VWDE: variants seen among roughly 807,000 people sequenced by gnomAD.
The protein encoded by VWDE is von Willebrand factor D and EGF domains, also known as von Willebrand factor D and EGF domain-containing protein.
In VWDE, 207 loss-of-function variants were observed where a neutral mutation model predicts 178.4. The ratio of observed to expected loss-of-function variants is 1.16; its 90% CI spans 1.04 to 1.30. The LOEUF is 1.30. Ranked by LOEUF, VWDE falls within the 50% of genes most tolerant of loss-of-function variation. The probability of loss-of-function intolerance (pLI) is 0.00; values close to 1 mark genes in which losing one functional copy is unlikely to be tolerated. For synonymous variants in VWDE, 738 were observed against 651.4 expected (o/e 1.13, Z -2.02); for missense variants, 2,287 against 1,901.3 (o/e 1.20, Z -3.77).
At chr7:12,392,036 C>G (rs1265143312) in intron 2 of VWDE, among the ~76,000 whole-genome samples, 1 of 152,124 alleles carries the variant, frequency 6.6e-6, no homozygotes, top group Non-Finnish European at 1.5e-5. Context: ...AATACAATGC[C>G]TCTATTAGCT....
rs957818985 is a variant in VWDE at position 12,380,351 on chromosome 7, A to G, written c.789+135T>C. On this transcript the variant is annotated intron_variant, in intron 5 of 28. Transcript: ENST00000275358. ...CACGAGAATTAGCACAATTGCAAGGAAAAAAAAACAAAAAGAAAAATATTA... is the reference window on the plus strand; with the variant it reads ...CACGAGAATTAGCACAATTGCAAGGGAAAAAAAACAAAAAGAAAAATATTA... The G allele has an allele frequency of 2.0e-3, 2,238 of 1,144,530 alleles. 1 individual carries two copies. Among genetic ancestry groups the G allele is most frequent in the Non-Finnish European group, 2.4e-3 (2,091 of 861,502 alleles). The allele number at this position is 1,144,530 out of a possible 1,614,324, so 70.9% of individuals were successfully genotyped here.
At chr7:12,361,319 A>C (rs774343826) in intron 14 of VWDE, 47 bp downstream of exon 14, 2 of 1,536,888 alleles carry the variant, frequency 1.3e-6, no homozygotes, top group Admixed American at 4.0e-5. Flanking sequence ...TGAAATGTTA[A>C]GTATTTACTT....
chr7:12,365,241 C>A lies in VWDE; in HGVS notation c.2898+2116G>T, dbSNP rs530895664. On this transcript the variant is annotated intron_variant, in intron 13 of 28. Coordinates refer to ENST00000275358, the MANE Select transcript of VWDE (RefSeq NM_001135924.3). ...TTGGACAACTGGTAAATTTACAGAA[C>A]AAGGTCTGTAAATTTGTTAATAGTA... Among the ~76,000 whole-genome samples, 10 of 152,062 alleles carry A rather than the reference C, an allele frequency of 6.6e-5. No homozygotes were observed. In the South Asian group the frequency reaches 2.1e-3, roughly 32 times the overall value.
chr7:12,401,172 C>A (rs1204006737), intron 1 of VWDE, among the ~76,000 whole-genome samples: 1 of 152,108 alleles, frequency 6.6e-6, no homozygotes, highest in African/African-American at 2.4e-5. Flanking sequence ...TCTACTCTCA[C>A]CTTTTCAATG....
At chr7:12,347,742 C>T (rs1198553439) in intron 19 of VWDE, among the ~76,000 whole-genome samples, 1 of 151,824 alleles carries the variant, frequency 6.6e-6, no homozygotes, top group Non-Finnish European at 1.5e-5. Context: ...TCATATGGAA[C>T]CAAAAAAGAG....
At chr7:12,388,837 T>C (rs1203699676) in intron 3 of VWDE, 4 of 542,192 alleles carry the variant, frequency 7.4e-6, no homozygotes, top group African/African-American at 3.8e-5. Flanking sequence ...AAAACAGGAA[T>C]GGACTTGAGG....
In VWDE at chr7:12,389,170, G is replaced by C. The variant is rs1322999314; in HGVS notation, c.432C>G (p.Tyr144Ter). 6.4e-7 allele frequency: 1 copy of C among 1,551,924 alleles called. No homozygotes were observed. Among genetic ancestry groups the C allele is most frequent in the African/African-American group, 1.4e-5 (1 of 73,032 alleles). ...SVRNCGNFSV[Y>*]LLQPTQGCMG... ...TACATCCCTGAGTTGGTTGTAGTAAGTATACAGAAAAGTTCCCACAGTTTC... is the reference window on the plus strand; with the variant it reads ...TACATCCCTGAGTTGGTTGTAGTAACTATACAGAAAAGTTCCCACAGTTTC... Residue 144 changes from tyrosine to a stop codon, truncating the protein, a stop_gained, in exon 3 of 29, where the codon TAC becomes TAG. Coordinates refer to ENST00000275358, the MANE Select transcript of VWDE (RefSeq NM_001135924.3). LOFTEE classifies it high-confidence loss of function.
intron 2 of VWDE, 65 bp downstream of exon 2, chr7:12,393,529 G>T: frequency 7.6e-7 from 1 of 1,316,230 alleles, no homozygotes; most frequent in Non-Finnish European, 1.0e-6. Context: ...GTGGTAAAAA[G>T]ATACAATTCT....
intron 19 of VWDE, among the ~76,000 whole-genome samples, chr7:12,345,443 G>A (rs998896739): frequency 2.6e-5 from 4 of 152,054 alleles, no homozygotes; most frequent in African/African-American, 9.7e-5. Context: ...CGTCCACATT[G>A]GAAGTGACCA....
intron 1 of VWDE, among the ~76,000 whole-genome samples, chr7:12,396,537 G>A (rs960308305): frequency 6.6e-6 from 1 of 152,094 alleles, no homozygotes; most frequent in African/African-American, 2.4e-5. Flanking sequence ...AATGTAATGA[G>A]AAATAAAAAC....
In VWDE at chr7:12,367,404, CT is replaced by C; in HGVS notation, c.2850del (p.Gly951AlafsTer67). ...TTAATTGAAGGTAATTCTTTGAAGC[CT>C]TTGCCAAAAACTCTCACCATCATAC... is the stretch of plus-strand genomic sequence containing the variant. ...YNCMMVRVFG[K>X]GFKELPSIKC... On this transcript the variant is annotated frameshift_variant, in exon 13 of 29. Transcript: ENST00000275358. LOFTEE classifies it high-confidence loss of function. 1 of 1,546,860 alleles carries C rather than the reference CT, an allele frequency of 6.5e-7. No individual in the cohort carries two copies. The highest frequency in any genetic ancestry group is 8.7e-7 in the Non-Finnish European group (1 of 1,144,484).
At chr7:12,342,224 C>T in intron 22 of VWDE, 70 bp from the exon 23 acceptor site, 1 of 1,248,166 alleles carries the variant, frequency 8.0e-7, no homozygotes, top group Non-Finnish European at 1.1e-6. Context: ...TATTATCTAG[C>T]TAGCTCATAA....
intron 22 of VWDE, among the ~76,000 whole-genome samples, chr7:12,342,858 G>A (rs1226374387): frequency 8.0e-6 from 1 of 125,778 alleles, no homozygotes; most frequent in African/African-American, 3.1e-5. Context: ...ACAGTCCCCA[G>A]AGTGTGATGT....
chr7:12,386,036 G>A (rs1784082392), intron 3 of VWDE, among the ~76,000 whole-genome samples: 2 of 152,136 alleles, frequency 1.3e-5, no homozygotes, highest in South Asian at 4.1e-4. Context: ...GTGATTATTT[G>A]TATTTTATGT....
Position 12,370,773 on chromosome 7 carries a change from T to A in VWDE, c.1679A>T (p.Asn560Ile). 6.5e-7 allele frequency: 1 copy of A among 1,549,730 alleles called. No homozygotes were observed. The highest frequency in any genetic ancestry group is 1.2e-5 in the South Asian group (1 of 83,766). The change falls in exon 11 of 29, where the codon AAC becomes ATC. Residue 560 changes from asparagine to isoleucine, a missense_variant. By Grantham distance (149) the Asn-to-Ile change is moderately radical (BLOSUM62 -3). Coordinates refer to ENST00000275358, the MANE Select transcript of VWDE (RefSeq NM_001135924.3). ...TIRAPSVDYR[N>I]TLGLCGTFDE... The stretch of plus-strand genomic sequence containing the variant: ...AAAGGTTCCACAAAGTCCCAGAGTG[T>A]TTCTGTAATCTACACTAGGGGCTCT...
chr7:12,363,015 T>A (rs1031752630), intron 13 of VWDE, among the ~76,000 whole-genome samples: 1 of 152,162 alleles, frequency 6.6e-6, no homozygotes, highest in Non-Finnish European at 1.5e-5. Flanking sequence ...AGTGTTCTAT[T>A]TCCTTTTCAT....
Position 12,370,656 on chromosome 7 carries a change from C to T in VWDE, c.1796G>A (p.Arg599Lys), listed in dbSNP as rs747718865. ...NNYVAFINEWRILPGKSMSDT... is the reference protein window; with the variant it reads ...NNYVAFINEWKILPGKSMSDT... ...CGCAAGTGGAAAAATAGTGTCTTAC[C>T]TCCATTCATTAATAAAAGCAACATA... The change falls in exon 11 of 29, where the codon AGG (arginine) becomes AAG (lysine). Residue 599 changes from arginine to lysine, a missense_variant and splice_region_variant. By Grantham distance (26) the Arg-to-Lys change is conservative (BLOSUM62 2). Transcript: ENST00000275358. 1 of 1,550,102 alleles carries T rather than the reference C, an allele frequency of 6.5e-7. No homozygotes were observed. The highest frequency in any genetic ancestry group is 1.2e-5 in the South Asian group (1 of 83,958).
At chr7:12,395,227 G>A (rs1784568352) in intron 1 of VWDE, among the ~76,000 whole-genome samples, 1 of 152,012 alleles carries the variant, frequency 6.6e-6, no homozygotes, top group East Asian at 1.9e-4. Context: ...TAGGAGTCAA[G>A]GGATGTGCTA....
chr7:12,333,068 T>G lies in VWDE; in HGVS notation c.4758+397A>C, dbSNP rs993641587. Among the ~76,000 whole-genome samples, 3 of 152,130 alleles carry G rather than the reference T, an allele frequency of 2.0e-5. No homozygotes were observed. In the South Asian group the frequency reaches 6.2e-4, roughly 31 times the overall value. ...ATCTCGGCTGTTGATATTTGGAAATTTAAGATTAGAGACAAAACACAATGC... is the reference window on the plus strand; with the variant it reads ...ATCTCGGCTGTTGATATTTGGAAATGTAAGATTAGAGACAAAACACAATGC... On this transcript the variant is annotated intron_variant, in intron 28 of 28. Coordinates refer to ENST00000275358, the MANE Select transcript of VWDE (RefSeq NM_001135924.3).
Sources: allele counts gnomAD v4.1 joint callset (sites outside exome capture counted in the v4.1 genomes callset), GRCh38; gene constraint gnomAD v4.1.1; transcripts MANE v1.5; gene names NCBI Gene and HGNC (gene_info 2026-07-23, HGNC 2026-07-21).